Variants in CENPL observed in about 807,000 individuals in gnomAD.
CENPL encodes the protein interphase centromere complex protein 33.
Under a neutral mutation model 35.2 loss-of-function variants are expected in CENPL, and 20 were observed. The observed-to-expected ratio is 0.57, with a 90% CI of 0.40 to 0.83. CENPL has a LOEUF of 0.83. Ranked by LOEUF, CENPL falls within the 40% of genes least tolerant of loss-of-function variation. The pLI is 0.00. For missense variants in CENPL, 363 were observed against 395.8 expected, an observed-to-expected ratio of 0.92 and a Z score of 0.70; for synonymous variants, 140 against 140.6, an observed-to-expected ratio of 1.00 and a Z score of 0.03.
Position 173,823,969 on chromosome 1 carries a change from G to GA in CENPL, c.-52dup, listed in dbSNP as rs1652277085. The GA allele has an allele frequency of 6.7e-6, 1 of 150,026 alleles. No individual in the cohort carries two copies. Among genetic ancestry groups the GA allele is most frequent in the South Asian group, 2.1e-4 (1 of 4,716 alleles). 9.3% of individuals were successfully genotyped at this position (150,026 alleles called of 1,614,324 possible). On this transcript the variant is annotated 5_prime_UTR_variant, in exon 2 of 6. The change creates a premature stop within an existing upstream ORF in the 5' untranslated region. Coordinates refer to ENST00000682279, the MANE Select transcript of CENPL (RefSeq NM_001387287.1). ...ACGCTGTCACCCATTCCGGATTCACGAATCATTCTTCAAAAGTCCGGCTCC... is the reference window on the plus strand; with the variant it reads ...ACGCTGTCACCCATTCCGGATTCACGAAATCATTCTTCAAAAGTCCGGCTCC...
intron 2 of CENPL, among the ~76,000 whole-genome samples, chr1:173,817,521 A>C (rs887682721): frequency 6.6e-6 from 1 of 152,220 alleles, no homozygotes; most frequent in Non-Finnish European, 1.5e-5. Context: ...GCTGGAGAGG[A>C]TGTGGAGAAA....
chr1:173,800,956 A>G (rs542290248), intron 5 of CENPL, among the ~76,000 whole-genome samples: 1 of 152,036 alleles, frequency 6.6e-6, no homozygotes, highest in Non-Finnish European at 1.5e-5. Flanking sequence ...GACTCTCTCT[A>G]AAACAAAAAA....
intron 2 of CENPL, among the ~76,000 whole-genome samples, chr1:173,820,799 A>G (rs574660046): frequency 6.6e-6 from 1 of 152,354 alleles, no homozygotes; most frequent in African/African-American, 2.4e-5. Context: ...AAAAGGTCAC[A>G]TATAAAATTT....
At chr1:173,823,851 T>C (rs1652257401) in intron 2 of CENPL, 75 bp downstream of exon 2, 1 of 152,156 alleles carries the variant, frequency 6.6e-6, no homozygotes, top group Non-Finnish European at 1.5e-5. Flanking sequence ...CACGCAAGTA[T>C]TGTAAGATAA....
At chr1:173,816,865 C>T (rs1019298341) in intron 2 of CENPL, among the ~76,000 whole-genome samples, 15 of 152,054 alleles carry the variant, frequency 9.9e-5, no homozygotes, top group East Asian at 1.9e-4. Flanking sequence ...CCAGGCCGGG[C>T]GCAGTGGCTC....
intron 5 of CENPL, among the ~76,000 whole-genome samples, chr1:173,801,285 G>A (rs1164616807): frequency 6.6e-6 from 1 of 152,090 alleles, no homozygotes; most frequent in African/African-American, 2.4e-5. Flanking sequence ...GGGAGGCCGA[G>A]GTGGGTGGAT....
chr1:173,808,183 G>A (rs1411348809), intron 3 of CENPL, among the ~76,000 whole-genome samples: 7 of 151,918 alleles, frequency 4.6e-5, no homozygotes, highest in African/African-American at 7.3e-5. Flanking sequence ...TGAGGCAGGC[G>A]GATCACAAGG....
rs60834080 is a variant in CENPL, at chr1:173,811,724, C to T, written c.-7-418G>A. Among the ~76,000 whole-genome samples the T allele has an allele frequency of 4.4e-3, 669 of 152,320 alleles. 15 individuals are homozygous for T. The East Asian group carries it at 0.06, about 14-fold the overall frequency. ...CAAGATGGCTGAATAGGAACAGCTC[C>T]GGTCTGCAGCTCCCAGCATGATCGA... On this transcript the variant is annotated intron_variant, in intron 2 of 5. Coordinates refer to ENST00000682279, the MANE Select transcript of CENPL (RefSeq NM_001387287.1).
At chr1:173,802,742 T>C (rs1023366650) in intron 5 of CENPL, among the ~76,000 whole-genome samples, 2 of 152,224 alleles carry the variant, frequency 1.3e-5, no homozygotes, top group African/African-American at 4.8e-5. Context: ...ATTCACATTA[T>C]TACCAAAAGC....
chr1:173,801,453 G>A (rs1447524988), intron 5 of CENPL, among the ~76,000 whole-genome samples: 1 of 150,784 alleles, frequency 6.6e-6, no homozygotes, highest in East Asian at 1.9e-4. Flanking sequence ...GGCGGAGGCT[G>A]CAGTAAGCCA....
chr1:173,814,895 G>A (rs1269690100), intron 2 of CENPL, among the ~76,000 whole-genome samples: 1 of 152,070 alleles, frequency 6.6e-6, no homozygotes, highest in Non-Finnish European at 1.5e-5. Context: ...ATGAATCCAG[G>A]AGCTGGTTTT....
At chr1:173,813,335 A>T (rs1262721571) in intron 2 of CENPL, among the ~76,000 whole-genome samples, 2 of 152,074 alleles carry the variant, frequency 1.3e-5, no homozygotes, top group African/African-American at 4.8e-5. Context: ...CACCACAAAG[A>T]TACTCCTCAA....
chr1:173,803,103 C>G lies in CENPL; in HGVS notation c.823G>C (p.Val275Leu). 6.2e-7 allele frequency: 1 copy of G among 1,613,972 alleles called. No individual in the cohort carries two copies. The highest frequency in any genetic ancestry group is 8.5e-7 in the Non-Finnish European group (1 of 1,179,818). The change falls in exon 5 of 6, where the codon GTT becomes CTT. Residue 275 changes from valine to leucine, a missense_variant. Val to Leu is a conservative substitution (Grantham distance 32). Transcript: ENST00000682279. Reference sequence around the variant, plus strand: ...AATAGGTCAACTTCTTCCTGGGTAACCTCCCCAGGTGTTTTGTGGACACTG... The same window carrying G: ...AATAGGTCAACTTCTTCCTGGGTAAGCTCCCCAGGTGTTTTGTGGACACTG... The part of the protein sequence containing the change: ...WDSVHKTPGE[V>L]TQEEVDLFMD...
At position 173,803,107 on chromosome 1, in the gene CENPL, C is replaced by T; in HGVS notation, c.819G>A (p.Gly273=). 6.2e-7 allele frequency: 1 copy of T among 1,614,044 alleles called. No homozygotes were observed. Among genetic ancestry groups the T allele is most frequent in the Non-Finnish European group, 8.5e-7 (1 of 1,179,968 alleles). The change falls in exon 5 of 6, where the codon GGG becomes GGA. Residue 273 remains glycine (G), a synonymous_variant. Transcript: ENST00000682279. The part of the protein sequence containing the change: ...ALWDSVHKTP[G]EVTQEEVDLF... ...GGTCAACTTCTTCCTGGGTAACCTC[C>T]CCAGGTGTTTTGTGGACACTGTCCC...
intron 2 of CENPL, among the ~76,000 whole-genome samples, chr1:173,818,264 T>C (rs2102608333): frequency 6.6e-6 from 1 of 152,278 alleles, no homozygotes; most frequent in East Asian, 1.9e-4. Context: ...GAGTAATCCA[T>C]TCTTCCAAAA....
intron 2 of CENPL, among the ~76,000 whole-genome samples, chr1:173,815,145 G>A (rs1003164644): frequency 2.6e-5 from 4 of 152,054 alleles, no homozygotes; most frequent in Admixed American, 1.3e-4. Flanking sequence ...GGAAGAAGTC[G>A]AATCACTGAA....
At position 173,807,459 on chromosome 1, in the gene CENPL, A is replaced by C; in HGVS notation, c.228T>G (p.Ser76Arg). Residue 76 changes from serine (S) to arginine (R), a missense_variant, in exon 4 of 6, where the codon AGT (serine) becomes AGG (arginine). Coordinates refer to ENST00000682279, the MANE Select transcript of CENPL (RefSeq NM_001387287.1). Reference sequence around the variant, plus strand: ...AGGAGAATTTATATAAGGGAGTTAAACTATATAAAGTCCACTGTTTATGCA... The same window carrying C: ...AGGAGAATTTATATAAGGGAGTTAACCTATATAAAGTCCACTGTTTATGCA... ...FLLHKQWTLY[S>R]LTPLYKFSYS... 1 of 1,599,872 alleles carries C rather than the reference A, an allele frequency of 6.3e-7. No individual in the cohort carries two copies. The highest frequency in any genetic ancestry group is 8.5e-7 in the Non-Finnish European group (1 of 1,170,018).
At chr1:173,803,992 G>A (rs1019788850) in intron 4 of CENPL, among the ~76,000 whole-genome samples, 3 of 151,948 alleles carry the variant, frequency 2.0e-5, no homozygotes, top group Admixed American at 6.6e-5. Flanking sequence ...TTATACAGTG[G>A]AAACATGATA....
intron 3 of CENPL, among the ~76,000 whole-genome samples, chr1:173,810,691 C>G (rs530399709): frequency 6.6e-6 from 1 of 152,098 alleles, no homozygotes; most frequent in African/African-American, 2.4e-5. Flanking sequence ...GAGGCTGAGG[C>G]GGGCAGATCA....
Sources: allele counts gnomAD v4.1 joint callset (sites outside exome capture counted in the v4.1 genomes callset), GRCh38; gene constraint gnomAD v4.1.1; transcripts MANE v1.5; gene names NCBI Gene and HGNC (gene_info 2026-07-23, HGNC 2026-07-21).